The following PCED1B variants were observed in gnomAD, a reference collection of about 807,000 sequenced individuals.
The protein encoded by PCED1B is PC-esterase domain-containing protein 1B.
For missense variants in PCED1B, 573 were observed against 573.9 expected, an observed-to-expected ratio of 1.00 and a Z score of 0.02; for synonymous variants, 251 against 246.1, an observed-to-expected ratio of 1.02 and a Z score of -0.19.
At chr12:47,118,046 G>A (rs993728350) in intron 2 of PCED1B, among the ~76,000 whole-genome samples, 1 of 149,218 alleles carries the variant, frequency 6.7e-6, no homozygotes, top group African/African-American at 2.6e-5. Flanking sequence ...TGATGGGGTT[G>A]TTTGATTTTT....
At chr12:47,195,056 G>A (rs984648579) in intron 2 of PCED1B, among the ~76,000 whole-genome samples, 7 of 152,184 alleles carry the variant, frequency 4.6e-5, no homozygotes, top group Non-Finnish European at 1.0e-4. Context: ...AGTAGGCCGG[G>A]CGCGGTGGCT....
At chr12:47,202,194 T>G (rs1355549668) in intron 2 of PCED1B, among the ~76,000 whole-genome samples, 1 of 152,240 alleles carries the variant, frequency 6.6e-6, no homozygotes, top group Non-Finnish European at 1.5e-5. Context: ...AAGAGTTATT[T>G]GCACATAATA....
At chr12:47,158,604 T>C (rs1417708566) in intron 2 of PCED1B, among the ~76,000 whole-genome samples, 2 of 152,206 alleles carry the variant, frequency 1.3e-5, no homozygotes, top group East Asian at 3.8e-4. Flanking sequence ...CTGTGGGTTG[T>C]ATTTTACTCT....
chr12:47,170,357 C>G (rs571515412), intron 2 of PCED1B, among the ~76,000 whole-genome samples: 2 of 152,310 alleles, frequency 1.3e-5, no homozygotes, highest in East Asian at 3.9e-4. Flanking sequence ...CTTTGCTATT[C>G]GGCAAAACCG....
At chr12:47,122,084 T>C (rs1224649273) in intron 2 of PCED1B, among the ~76,000 whole-genome samples, 3 of 151,418 alleles carry the variant, frequency 2.0e-5, no homozygotes, top group African/African-American at 7.3e-5. Flanking sequence ...AAAATGGGTA[T>C]AATTATAGTT....
In PCED1B at chr12:47,236,133, C is replaced by CA. The variant is rs770913140; in HGVS notation, c.1071dup (p.Asp358ArgfsTer41). ...CAGTCGGATCAATTCTATTGCCATT[C>CA]AGATGTCCCCTCATCAGCCCATGCA... On this transcript the variant is annotated frameshift_variant, in exon 4 of 4. Coordinates refer to ENST00000546455, the MANE Select transcript of PCED1B (RefSeq NM_138371.3). LOFTEE classifies it low-confidence loss of function (END_TRUNC). 6.2e-7 allele frequency: 1 copy of CA among 1,614,166 alleles called. No homozygotes were observed. The highest frequency in any genetic ancestry group is 8.5e-7 in the Non-Finnish European group (1 of 1,180,032).
At chr12:47,213,708 T>C (rs1287201623) in intron 2 of PCED1B, among the ~76,000 whole-genome samples, 3 of 152,194 alleles carry the variant, frequency 2.0e-5, no homozygotes, top group African/African-American at 7.2e-5. Context: ...TAAGTTGTCA[T>C]TACTGTTTAA....
At chr12:47,186,306 A>C (rs1439712762) in intron 2 of PCED1B, among the ~76,000 whole-genome samples, 1 of 99,936 alleles carries the variant, frequency 1.0e-5, no homozygotes, top group African/African-American at 3.1e-5. Flanking sequence ...ACAAAGGAAA[A>C]TGACTTTGAG....
intron 1 of PCED1B, among the ~76,000 whole-genome samples, chr12:47,087,486 C>T (rs989924933): frequency 2.0e-5 from 3 of 152,190 alleles, no homozygotes; most frequent in Non-Finnish European, 2.9e-5. Flanking sequence ...AAATTCCATT[C>T]AGCAAATATT....
chr12:47,176,246 G>T (rs1296599999), intron 2 of PCED1B, among the ~76,000 whole-genome samples: 1 of 152,132 alleles, frequency 6.6e-6, no homozygotes, highest in Non-Finnish European at 1.5e-5. Context: ...AATTTCCTAA[G>T]CAATAGAGGT....
intron 3 of PCED1B, among the ~76,000 whole-genome samples, chr12:47,226,360 C>T (rs1287000856): frequency 6.6e-6 from 1 of 152,110 alleles, no homozygotes; most frequent in African/African-American, 2.4e-5. Context: ...TACCCCTCCT[C>T]TTGAGAGAAG....
chr12:47,157,021 C>T (rs536626978), intron 2 of PCED1B, among the ~76,000 whole-genome samples: 14 of 152,210 alleles, frequency 9.2e-5, no homozygotes, highest in African/African-American at 3.1e-4. Flanking sequence ...AAACTTGTCT[C>T]CTTCTAGAGT....
chr12:47,108,995 T>C (rs1939077697), intron 2 of PCED1B, among the ~76,000 whole-genome samples: 1 of 152,248 alleles, frequency 6.6e-6, no homozygotes, highest in Non-Finnish European at 1.5e-5. Flanking sequence ...CTTTCATCTT[T>C]TGGATTAATC....
chr12:47,197,654 T>G (rs1362322197), intron 2 of PCED1B, among the ~76,000 whole-genome samples: 2 of 151,096 alleles, frequency 1.3e-5, no homozygotes, highest in Non-Finnish European at 3.0e-5. Flanking sequence ...AATACAATGA[T>G]ATACAAAAAA....
chr12:47,106,262 G>A (rs895229760), intron 2 of PCED1B, among the ~76,000 whole-genome samples: 2 of 152,008 alleles, frequency 1.3e-5, no homozygotes, highest in African/African-American at 4.8e-5. Context: ...AAAAGACTTG[G>A]TGTTTTCCAT....
chr12:47,114,470 G>A (rs954998785), intron 2 of PCED1B, among the ~76,000 whole-genome samples: 1 of 152,262 alleles, frequency 6.6e-6, no homozygotes, highest in South Asian at 2.1e-4. Flanking sequence ...CTGCTCTGTC[G>A]CCTTAGAACC....
chr12:47,088,358 AT>A (rs899063192), intron 1 of PCED1B, among the ~76,000 whole-genome samples: 1 of 152,040 alleles, frequency 6.6e-6, no homozygotes, highest in Non-Finnish European at 1.5e-5. Context: ...GCAGGTCCTC[AT>A]TTCACTCAGC....
At chr12:47,209,359 G>T (rs1270124886) in intron 2 of PCED1B, 1 of 152,328 alleles carries the variant, frequency 6.6e-6, no homozygotes, top group Non-Finnish European at 1.5e-5. Flanking sequence ...GGTGGCACAT[G>T]CCTGTAATCC....
chr12:47,097,211 G>A (rs1340665979), intron 1 of PCED1B, among the ~76,000 whole-genome samples: 1 of 152,166 alleles, frequency 6.6e-6, no homozygotes, highest in Non-Finnish European at 1.5e-5. Flanking sequence ...GTATCAACCA[G>A]AAATACCTAA....
Sources: gnomAD v4.1 joint callset for allele counts (sites outside exome capture counted in the v4.1 genomes callset) on GRCh38, gnomAD v4.1.1 for gene constraint, MANE v1.5 for transcripts, NCBI Gene and HGNC (gene_info 2026-07-23, HGNC 2026-07-21) for gene names.